The following ACAP2 variants were observed in gnomAD, a reference collection of about 807,000 sequenced individuals.
ACAP2 encodes the protein arf-GAP with coiled-coil, ANK repeat and PH domain-containing protein 2.
In ACAP2, 39 loss-of-function variants were observed where a neutral mutation model predicts 115.8. The ratio of observed to expected loss-of-function variants is 0.34; its 90% CI spans 0.26 to 0.44. ACAP2 has a LOEUF of 0.44. ACAP2 is among the 20% of genes least tolerant of loss of function. The pLI is 1.00. For missense variants in ACAP2, 662 were observed against 927.6 expected (o/e 0.71, Z 3.72); for synonymous variants, 289 against 315.8 (o/e 0.92, Z 0.90).
intron 7 of ACAP2, among the ~76,000 whole-genome samples, chr3:195,334,220 T>G (rs1485717306): frequency 3.1e-5 from 4 of 128,336 alleles, no homozygotes; most frequent in Non-Finnish European, 4.7e-5. Flanking sequence ...AAAAACTATT[T>G]TCAAAAAAAA....
In ACAP2 at chr3:195,433,118, T is replaced by C. The variant is rs571004991; in HGVS notation, c.53+9677A>G. Among the ~76,000 whole-genome samples, 51 of 152,234 alleles carry C rather than the reference T, an allele frequency of 3.4e-4. No individual in the cohort carries two copies. In the South Asian group the frequency reaches 8.9e-3, roughly 27 times the overall value. ...GCCCACCCCCTGCACTACCCACTAA[T>C]ACCAAAATCCACGGATGCTCAAGTC... On this transcript the variant is annotated intron_variant, in intron 1 of 22. Coordinates refer to ENST00000326793, the MANE Select transcript of ACAP2 (RefSeq NM_012287.6).
intron 2 of ACAP2, among the ~76,000 whole-genome samples, chr3:195,386,632 G>C (rs1734323173): frequency 2.0e-5 from 3 of 152,120 alleles, no homozygotes; most frequent in African/African-American, 7.2e-5. Flanking sequence ...TTACACAGCG[G>C]AGCCTGTCAG....
At chr3:195,441,676 G>C (rs1357639917) in intron 1 of ACAP2, 2 of 152,268 alleles carry the variant, frequency 1.3e-5, no homozygotes, top group Non-Finnish European at 2.9e-5. Context: ...ACACACGCCA[G>C]TGCTCAGAGG....
intron 2 of ACAP2, among the ~76,000 whole-genome samples, chr3:195,388,686 C>T (rs970624824): frequency 2.0e-5 from 3 of 152,172 alleles, no homozygotes; most frequent in African/African-American, 7.2e-5. Flanking sequence ...CTTCTCTATG[C>T]TAACTCCCCA....
rs778685802 is a variant in ACAP2, at chr3:195,402,888, T to C, written c.54-10741A>G. Among the ~76,000 whole-genome samples, 64 of 152,196 alleles carry C rather than the reference T, an allele frequency of 4.2e-4. 1 individual carries two copies. The highest frequency in any genetic ancestry group is 1.6e-3 in the Admixed American group (24 of 15,270). On this transcript the variant is annotated intron_variant, in intron 1 of 22. Transcript: ENST00000326793. ...AACAACAAACGGCAGCAAATGTCTA[T>C]TGTTTGGAATATAAGAAGAAAATAA... is the stretch of plus-strand genomic sequence containing the variant.
intron 4 of ACAP2, among the ~76,000 whole-genome samples, chr3:195,345,920 T>A (rs1731161690): frequency 6.6e-6 from 1 of 152,232 alleles, no homozygotes; most frequent in East Asian, 1.9e-4. Context: ...TGGCTCTGTG[T>A]ATGATAAACA....
intron 4 of ACAP2, among the ~76,000 whole-genome samples, chr3:195,348,645 AT>A (rs1299413761): frequency 3.5e-4 from 54 of 152,244 alleles, no homozygotes; most frequent in Non-Finnish European, 3.5e-4. Flanking sequence ...ACTGGGATAT[AT>A]TCCAGGAATG....
intron 4 of ACAP2, among the ~76,000 whole-genome samples, chr3:195,377,451 G>A (rs1251319411): frequency 6.6e-6 from 1 of 151,996 alleles, no homozygotes; most frequent in East Asian, 1.9e-4. Flanking sequence ...AGCCTACAGA[G>A]GAGGAATGTA....
chr3:195,304,529 C>T (rs1162837120), intron 13 of ACAP2, among the ~76,000 whole-genome samples: 2 of 152,138 alleles, frequency 1.3e-5, no homozygotes, highest in Non-Finnish European at 2.9e-5. Flanking sequence ...CATCTCCATG[C>T]CACTAGGGGA....
chr3:195,334,206 C>CA (rs907574936), intron 7 of ACAP2, among the ~76,000 whole-genome samples: 19 of 132,160 alleles, frequency 1.4e-4, no homozygotes, highest in Non-Finnish European at 1.1e-4. Context: ...AAAAATCCTC[C>CA]AAAAAAAACT....
chr3:195,342,625 T>G lies in ACAP2; in HGVS notation c.374A>C (p.Lys125Thr), dbSNP rs1730953083. 1 of 1,597,704 alleles carries G rather than the reference T, an allele frequency of 6.3e-7. No individual in the cohort carries two copies. The highest frequency in any genetic ancestry group is 1.4e-5 in the African/African-American group (1 of 73,432). ...EDLRKFKDAK[K>T]QFEKVSEEKE... Reference sequence around the variant, plus strand: ...TTCTTCACTGACTTTTTCGAATTGCTTCTTGGCATCTTTGAATTTTCTAAG... The same window carrying G: ...TTCTTCACTGACTTTTTCGAATTGCGTCTTGGCATCTTTGAATTTTCTAAG... Residue 125 changes from lysine to threonine, a missense_variant, in exon 6 of 23, where the codon AAG (lysine) becomes ACG (threonine). This residue lies in a region of ACAP2 where 401 missense variants were observed against 604.4 expected (regional missense o/e 0.66). Coordinates refer to ENST00000326793, the MANE Select transcript of ACAP2 (RefSeq NM_012287.6).
At chr3:195,355,060 C>T (rs1413688809) in intron 4 of ACAP2, among the ~76,000 whole-genome samples, 1 of 152,070 alleles carries the variant, frequency 6.6e-6, no homozygotes, top group Non-Finnish European at 1.5e-5. Flanking sequence ...GACGGGGTTT[C>T]GCCATGTTGG....
chr3:195,442,943 G>T lies in ACAP2; in HGVS notation c.-96C>A, dbSNP rs1046436558. On this transcript the variant is annotated 5_prime_UTR_variant, in exon 1 of 23. Coordinates refer to ENST00000326793, the MANE Select transcript of ACAP2 (RefSeq NM_012287.6). The stretch of plus-strand genomic sequence containing the variant: ...ACGGCTACGGCGGGCGCACGGCCGC[G>T]ACTAGCGTTGCGCGGAGCTGCGAAG... 218 of 1,160,720 alleles carry T rather than the reference G, an allele frequency of 1.9e-4. 1 individual carries two copies. In the East Asian group the frequency reaches 6.4e-3, roughly 34 times the overall value. 71.9% of individuals were successfully genotyped at this position (1,160,720 alleles called of 1,614,324 possible). A position where few individuals can be genotyped will look rare whatever the true frequency, so the allele number is the denominator to read the frequency against.
At chr3:195,412,629 T>C (rs1285845232) in intron 1 of ACAP2, among the ~76,000 whole-genome samples, 1 of 151,584 alleles carries the variant, frequency 6.6e-6, no homozygotes, top group Non-Finnish European at 1.5e-5. Flanking sequence ...AAATAAAAAA[T>C]AAGATTATGA....
At chr3:195,394,113 C>G (rs142706061) in intron 1 of ACAP2, among the ~76,000 whole-genome samples, 26 of 152,292 alleles carry the variant, frequency 1.7e-4, no homozygotes. Context: ...AGTCCAAACA[C>G]CATCTCCCCA....
chr3:195,374,704 A>C (rs554860368), intron 4 of ACAP2, among the ~76,000 whole-genome samples: 10 of 116,392 alleles, frequency 8.6e-5, no homozygotes, highest in Admixed American at 7.6e-4. Context: ...CATGCAGAAG[A>C]CCTTTTCTTT....
At chr3:195,433,873 T>A (rs114138027) in intron 1 of ACAP2, among the ~76,000 whole-genome samples, 1 of 152,222 alleles carries the variant, frequency 6.6e-6, no homozygotes, top group African/African-American at 2.4e-5. Flanking sequence ...GATTTTTGTA[T>A]CTGCATTCAT....
rs1729835772 is a variant in ACAP2 at position 195,326,962 on chromosome 3, G to A, written c.670-3C>T. ...GCATCCACAACCAGTCGATCCAACTGTAAAAAGGGAAAAGAGAAAACTGCA... is the reference window on the plus strand; with the variant it reads ...GCATCCACAACCAGTCGATCCAACTATAAAAAGGGAAAAGAGAAAACTGCA... On this transcript the variant is annotated splice_region_variant and splice_polypyrimidine_tract_variant and intron_variant, in intron 8 of 22. Transcript: ENST00000326793. 1 of 1,612,886 alleles carries A rather than the reference G, an allele frequency of 6.2e-7. No homozygotes were observed. The highest frequency in any genetic ancestry group is 8.5e-7 in the Non-Finnish European group (1 of 1,179,342).
chr3:195,367,809 T>G (rs1732833632), intron 4 of ACAP2, among the ~76,000 whole-genome samples: 2 of 152,188 alleles, frequency 1.3e-5, no homozygotes, highest in Non-Finnish European at 2.9e-5. Flanking sequence ...TGAAAGAAGC[T>G]CAGCCAACAC....
Sources: gnomAD v4.1 joint callset for allele counts (sites outside exome capture counted in the v4.1 genomes callset) on GRCh38, gnomAD v4.1.1 for gene constraint, gnomAD v4.1.1 regional missense constraint, MANE v1.5 for transcripts, NCBI Gene and HGNC (gene_info 2026-07-23, HGNC 2026-07-21) for gene names.